The following ZCCHC7 variants were observed in gnomAD, a reference collection of about 807,000 sequenced individuals.
ZCCHC7 encodes the protein zinc finger CCHC-type containing 7.
A neutral mutation model predicts 52.0 loss-of-function variants in ZCCHC7; 35 were observed. That is an observed-to-expected ratio of 0.67 (90% CI 0.51 to 0.89). The LOEUF (loss-of-function observed/expected upper bound fraction) is 0.89, where lower values mean the gene tolerates loss of function less well. ZCCHC7 is among the 40% of genes least tolerant of loss of function. ZCCHC7 has a pLI of 0.00. For synonymous variants in ZCCHC7, 217 were observed against 221.5 expected (o/e 0.98, Z 0.18); for missense variants, 574 against 649.1 (o/e 0.88, Z 1.26).
chr9:37,327,948 GA>G, intron 6 of ZCCHC7, 114 bp downstream of exon 6: 1 of 1,169,160 alleles, frequency 8.6e-7, no homozygotes, highest in Non-Finnish European at 1.2e-6. Flanking sequence ...ATAAACATCT[GA>G]AGAGTTTTTG....
At chr9:37,296,946 T>C (rs1376931492) in intron 2 of ZCCHC7, among the ~76,000 whole-genome samples, 1 of 145,778 alleles carries the variant, frequency 6.9e-6, no homozygotes, top group Non-Finnish European at 1.5e-5. Context: ...AGATGAGGTC[T>C]CACTATGTTA....
At chr9:37,203,894 C>G (rs986888638) in intron 2 of ZCCHC7, among the ~76,000 whole-genome samples, 6 of 152,170 alleles carry the variant, frequency 3.9e-5, no homozygotes, top group Non-Finnish European at 8.8e-5. Flanking sequence ...CTGTCTTCAA[C>G]AATGGTTGAA....
At chr9:37,205,556 G>A (rs946442805) in intron 2 of ZCCHC7, among the ~76,000 whole-genome samples, 18 of 152,028 alleles carry the variant, frequency 1.2e-4, no homozygotes, top group Non-Finnish European at 2.4e-4. Flanking sequence ...TCGCTCAGTC[G>A]CCCAGGTTGC....
intron 2 of ZCCHC7, among the ~76,000 whole-genome samples, chr9:37,288,222 A>G (rs1257052174): frequency 1.3e-5 from 2 of 151,372 alleles, no homozygotes; most frequent in Non-Finnish European, 1.5e-5. Flanking sequence ...TGAGCCTGCA[A>G]TGAGGCATGA....
intron 2 of ZCCHC7, among the ~76,000 whole-genome samples, chr9:37,166,343 G>A (rs546122968): frequency 2.0e-5 from 3 of 152,200 alleles, no homozygotes; most frequent in Non-Finnish European, 2.9e-5. Context: ...TTTGCAGTGA[G>A]CCGAGATCGC....
intron 2 of ZCCHC7, among the ~76,000 whole-genome samples, chr9:37,224,012 C>T (rs1475119734): frequency 2.0e-5 from 3 of 151,906 alleles, no homozygotes; most frequent in Non-Finnish European, 4.4e-5. Flanking sequence ...CTTGTTTATA[C>T]CCTGAAAATG....
At chr9:37,189,746 G>A (rs969160596) in intron 2 of ZCCHC7, among the ~76,000 whole-genome samples, 2 of 152,054 alleles carry the variant, frequency 1.3e-5, no homozygotes, top group Non-Finnish European at 2.9e-5. Context: ...GTTCTAAACA[G>A]CCTTCTGTAG....
At chr9:37,297,997 T>C (rs899305964) in intron 2 of ZCCHC7, among the ~76,000 whole-genome samples, 2 of 152,204 alleles carry the variant, frequency 1.3e-5, no homozygotes, top group Non-Finnish European at 2.9e-5. Context: ...TATCAGTAAA[T>C]AGCTAAATTA....
chr9:37,254,854 G>C (rs199553661), intron 2 of ZCCHC7, among the ~76,000 whole-genome samples: 2 of 15,602 alleles, frequency 1.3e-4, no homozygotes, highest in East Asian at 2.9e-3. Context: ...TTTTTTTTTT[G>C]GATTTTTGAA....
At chr9:37,152,151 A>G (rs1157870927) in intron 2 of ZCCHC7, among the ~76,000 whole-genome samples, 5 of 152,222 alleles carry the variant, frequency 3.3e-5, no homozygotes, top group South Asian at 4.1e-4. Context: ...CCAAATAGCT[A>G]TAGAAAATTA....
At chr9:37,183,669 G>A (rs1440533017) in intron 2 of ZCCHC7, among the ~76,000 whole-genome samples, 1 of 152,178 alleles carries the variant, frequency 6.6e-6, no homozygotes, top group African/African-American at 2.4e-5. Context: ...CAGTTTCAAT[G>A]CTAATAGCAA....
intron 5 of ZCCHC7, among the ~76,000 whole-genome samples, chr9:37,321,679 C>T (rs568174855): frequency 2.0e-5 from 3 of 152,048 alleles, no homozygotes; most frequent in Non-Finnish European, 4.4e-5. Flanking sequence ...TCAGAGAATC[C>T]TGCTTGAGCC....
At chr9:37,273,503 G>A (rs367764349) in intron 2 of ZCCHC7, among the ~76,000 whole-genome samples, 25 of 152,052 alleles carry the variant, frequency 1.6e-4, no homozygotes, top group Middle Eastern at 3.4e-3. Context: ...ACTCCGTCTC[G>A]AAAAGAAAAG....
intron 6 of ZCCHC7, among the ~76,000 whole-genome samples, chr9:37,330,295 C>A (rs528392176): frequency 2.6e-5 from 4 of 151,588 alleles, no homozygotes; most frequent in African/African-American, 9.6e-5. Context: ...TCAACAATTT[C>A]AAGAAAAATA....
chr9:37,209,534 C>G (rs1409583676), intron 2 of ZCCHC7, among the ~76,000 whole-genome samples: 1 of 152,000 alleles, frequency 6.6e-6, no homozygotes, highest in Non-Finnish European at 1.5e-5. Context: ...TTTTCATTTT[C>G]TCTCCCCCTT....
At chr9:37,320,987 CTTTTTTTTTTT>C (rs11303114) in intron 5 of ZCCHC7, among the ~76,000 whole-genome samples, 2 of 116,226 alleles carry the variant, frequency 1.7e-5, no homozygotes, top group Admixed American at 9.4e-5. Flanking sequence ...TTTCTTTTTT[CTTTTTTTTTTT>C]TTTTTTTTGA....
intron 2 of ZCCHC7, among the ~76,000 whole-genome samples, chr9:37,261,342 A>G (rs977490255): frequency 1.3e-5 from 2 of 152,196 alleles, no homozygotes; most frequent in African/African-American, 4.8e-5. Flanking sequence ...CAAAGTCAAC[A>G]CACAGACCCC....
chr9:37,123,226 C>T (rs987593622), intron 1 of ZCCHC7, among the ~76,000 whole-genome samples: 2 of 107,012 alleles, frequency 1.9e-5, no homozygotes, highest in Admixed American at 9.1e-5. Flanking sequence ...TGTGTGTGTG[C>T]GTGTGCGTGT....
chr9:37,183,151 T>G lies in ZCCHC7; in HGVS notation c.610+56209T>G, dbSNP rs533585640. ...GATTAAAAAGTTTTCTTGGCACTTT[T>G]AGATTAAAAACCATAAATCAGCAGT... On this transcript the variant is annotated intron_variant, in intron 2 of 8. Transcript: ENST00000336755. Among the ~76,000 whole-genome samples the G allele has an allele frequency of 2.0e-3, 305 of 152,362 alleles. 2 individuals are homozygous for G. The highest frequency in any genetic ancestry group is 7.0e-3 in the African/African-American group (291 of 41,590).
Sources: allele counts gnomAD v4.1 joint callset (sites outside exome capture counted in the v4.1 genomes callset), GRCh38; gene constraint gnomAD v4.1.1; transcripts MANE v1.5; gene names NCBI Gene and HGNC (gene_info 2026-07-23, HGNC 2026-07-21).